The following SCEL variants were observed in gnomAD, a reference collection of about 807,000 sequenced individuals.
The protein encoded by SCEL is sciellin.
SCEL carries 113 observed loss-of-function variants against 117.6 expected under a neutral mutation model. The observed-to-expected ratio is 0.96, with a 90% CI of 0.83 to 1.12. The LOEUF (loss-of-function observed/expected upper bound fraction) is 1.12. Ranked by LOEUF, SCEL falls within the 50% of genes most tolerant of loss-of-function variation. The probability of loss-of-function intolerance (pLI) is 0.00; values close to 1 mark genes in which losing one functional copy is unlikely to be tolerated. For synonymous variants in SCEL, 270 were observed against 256.2 expected (o/e 1.05, Z -0.51); for missense variants, 785 against 810.8 (o/e 0.97, Z 0.39).
chr13:77,610,632 G>C (rs1337844480), intron 22 of SCEL, among the ~76,000 whole-genome samples: 2 of 152,130 alleles, frequency 1.3e-5, no homozygotes, highest in African/African-American at 4.8e-5. Context: ...ATGAGATTGT[G>C]TTCCATGCTG....
rs767731009 is a variant in SCEL at position 77,609,092 on chromosome 13, C to G, written c.1252C>G (p.Pro418Ala). The change falls in exon 21 of 33, where the codon CCA becomes GCA. Residue 418 changes from proline to alanine, a missense_variant. Transcript: ENST00000349847. The stretch of plus-strand genomic sequence containing the variant: ...CCTTAATAACTTCATCAAAGTGTAT[C>G]CAGGAACAGAAAAAAGTACTGAAGG... ...KDLNNFIKVY[P>A]GTEKSTEGGQ... 1.3e-6 allele frequency: 2 copies of G among 1,595,372 alleles called. No individual in the cohort carries two copies. Among genetic ancestry groups the G allele is most frequent in the Non-Finnish European group, 1.7e-6 (2 of 1,175,054 alleles).
intron 13 of SCEL, among the ~76,000 whole-genome samples, chr13:77,598,119 G>A (rs1158987723): frequency 6.6e-6 from 1 of 152,034 alleles, no homozygotes; most frequent in Non-Finnish European, 1.5e-5. Context: ...GTGCCACCAC[G>A]TGTGGCTAAT....
At chr13:77,568,535 A>G (rs767364275) in intron 7 of SCEL, among the ~76,000 whole-genome samples, 2 of 152,092 alleles carry the variant, frequency 1.3e-5, no homozygotes, top group Admixed American at 6.6e-5. Flanking sequence ...AAGATTGCCA[A>G]TCATTACTCT....
At chr13:77,569,576 TC>T in intron 8 of SCEL, 125 bp downstream of exon 8, 1 of 631,150 alleles carries the variant, frequency 1.6e-6, no homozygotes, top group Non-Finnish European at 2.7e-6. Context: ...TTCAGCTCTT[TC>T]CCCCAGCAAT....
chr13:77,637,329 CATAT>C (rs1320342436), intron 30 of SCEL, 135 bp downstream of exon 30: 2 of 167,694 alleles, frequency 1.2e-5, no homozygotes, highest in East Asian at 2.8e-4. Flanking sequence ...AATATATATA[CATAT>C]ATAAACATAT....
At position 77,617,686 on chromosome 13, in the gene SCEL, C is replaced by T. The variant is rs376940542; in HGVS notation, c.1511+28C>T. On this transcript the variant is annotated intron_variant, in intron 25 of 32. Transcript: ENST00000349847. ...AATAAAACTATGTTGTTTTAATGTACTTGGGTCAGAAAGAATATTAAGTTT... is the reference window on the plus strand; with the variant it reads ...AATAAAACTATGTTGTTTTAATGTATTTGGGTCAGAAAGAATATTAAGTTT... 5.8e-5 allele frequency: 89 copies of T among 1,538,396 alleles called. No individual in the cohort carries two copies. The African/African-American group carries it at 1.1e-3, about 19-fold the overall frequency.
At chr13:77,579,333 T>G (rs2086136307) in intron 9 of SCEL, among the ~76,000 whole-genome samples, 1 of 152,254 alleles carries the variant, frequency 6.6e-6, no homozygotes, top group African/African-American at 2.4e-5. Context: ...TCAAGTTAAT[T>G]TATCCATTGT....
chr13:77,548,544 A>G (rs1593882718), intron 1 of SCEL, among the ~76,000 whole-genome samples: 1 of 152,234 alleles, frequency 6.6e-6, no homozygotes, highest in South Asian at 2.1e-4. Context: ...CTGTATAAAC[A>G]TCAGCGTGCA....
intron 18 of SCEL, among the ~76,000 whole-genome samples, chr13:77,603,950 C>T (rs1001031863): frequency 6.6e-6 from 1 of 152,254 alleles, no homozygotes; most frequent in East Asian, 1.9e-4. Flanking sequence ...CTACTTAAAA[C>T]AGAATAGGCA....
intron 9 of SCEL, among the ~76,000 whole-genome samples, chr13:77,575,292 C>T (rs181725000): frequency 1.3e-5 from 2 of 151,838 alleles, no homozygotes; most frequent in Non-Finnish European, 2.9e-5. Flanking sequence ...TAATATCATA[C>T]CTTTGTTTAA....
At chr13:77,556,832 G>A (rs1420806855) in intron 3 of SCEL, 119 bp downstream of exon 3, 3 of 736,464 alleles carry the variant, frequency 4.1e-6, no homozygotes, top group Admixed American at 4.5e-5. Flanking sequence ...TTGTTGCATG[G>A]TCTAATTTTT....
intron 18 of SCEL, 85 bp downstream of exon 18, chr13:77,603,220 C>A: frequency 2.6e-6 from 2 of 757,034 alleles, no homozygotes; most frequent in South Asian, 2.0e-5. Flanking sequence ...GCTTCATAAT[C>A]GTGTTTTATT....
chr13:77,564,707 A>G (rs944158455), intron 5 of SCEL, among the ~76,000 whole-genome samples: 5 of 152,232 alleles, frequency 3.3e-5, no homozygotes, highest in African/African-American at 1.2e-4. Context: ...ATTGCAGGCA[A>G]AAATGGCACC....
rs201390195 is a variant in SCEL, at chr13:77,610,101, C to G, written c.1332C>G (p.Asn444Lys). Residue 444 changes from asparagine to lysine, a missense_variant, in exon 22 of 33, where the codon AAC becomes AAG. Asn to Lys is a moderately conservative substitution (Grantham distance 94). Coordinates refer to ENST00000349847, the MANE Select transcript of SCEL (RefSeq NM_144777.3). ...IKVTPERNRT[N>K]QGNQDLENLI... ...TGACTCCTGAAAGAAACAGAACTAA[C>G]CAAGGGTAAGGTTTATGGAACTCTC... 2 of 1,607,436 alleles carry G rather than the reference C, an allele frequency of 1.2e-6. No individual in the cohort carries two copies. Among genetic ancestry groups the G allele is most frequent in the Admixed American group, 1.7e-5 (1 of 59,506 alleles).
At chr13:77,559,761 G>T (rs769382162) in intron 3 of SCEL, 43 bp from the exon 4 acceptor site, 27 of 1,571,818 alleles carry the variant, frequency 1.7e-5, no homozygotes, top group Admixed American at 3.4e-5. Flanking sequence ...GGTCAACATT[G>T]TGGTAACTTT....
chr13:77,622,883 T>C (rs1409938526), intron 27 of SCEL, among the ~76,000 whole-genome samples: 1 of 152,048 alleles, frequency 6.6e-6, no homozygotes, highest in African/African-American at 2.4e-5. Context: ...ACAAAAAACA[T>C]TATTAGTTGC....
At chr13:77,571,249 T>C (rs1320680880) in intron 8 of SCEL, among the ~76,000 whole-genome samples, 1 of 147,942 alleles carries the variant, frequency 6.8e-6, no homozygotes, top group Non-Finnish European at 1.5e-5. Context: ...GAGACCATCC[T>C]GGCTAACACG....
intron 24 of SCEL, among the ~76,000 whole-genome samples, chr13:77,614,337 A>G (rs1055055151): frequency 6.6e-6 from 1 of 152,192 alleles, no homozygotes; most frequent in Non-Finnish European, 1.5e-5. Flanking sequence ...AGACACTTCC[A>G]TTAGACTAAT....
intron 29 of SCEL, among the ~76,000 whole-genome samples, chr13:77,635,575 T>C (rs1331373779): frequency 6.6e-6 from 1 of 152,202 alleles, no homozygotes; most frequent in Admixed American, 6.5e-5. Flanking sequence ...AACCACAATA[T>C]TGATTTTTGA....
Sources: gnomAD v4.1 joint callset for allele counts (sites outside exome capture counted in the v4.1 genomes callset) on GRCh38, gnomAD v4.1.1 for gene constraint, MANE v1.5 for transcripts, NCBI Gene and HGNC (gene_info 2026-07-23, HGNC 2026-07-21) for gene names.